ACTN4: variants seen among roughly 807,000 people sequenced by gnomAD.
ACTN4 encodes alpha-actinin-4.
Under a neutral mutation model 114.2 loss-of-function variants are expected in ACTN4, and 18 were observed. The ratio of observed to expected loss-of-function variants is 0.16; its 90% confidence interval spans 0.11 to 0.23. The LOEUF is 0.23. Among genes scored for constraint, ACTN4 ranks in the 10% least tolerant of loss-of-function variants. The pLI, the probability that ACTN4 is intolerant of heterozygous loss-of-function variation, is 1.00. For synonymous variants in ACTN4, 515 were observed against 506.3 expected, an observed-to-expected ratio of 1.02 and a Z score of -0.23; for missense variants, 722 against 1,262.9, an observed-to-expected ratio of 0.57 and a Z score of 6.49.
In ACTN4 at chr19:38,729,275, A is replaced by G. The variant is rs1218205417; in HGVS notation, c.2579A>G (p.Asn860Ser). The G allele has an allele frequency of 6.2e-7, 1 of 1,612,658 alleles. No homozygotes were observed. Among genetic ancestry groups the G allele is most frequent in the South Asian group, 1.1e-5 (1 of 91,074 alleles). ...AGAGTCCCATCCTGCCTGCCCCAGAACTTCATCACAGCTGAGGAGCTGCGG... is the reference window on the plus strand; with the variant it reads ...AGAGTCCCATCCTGCCTGCCCCAGAGCTTCATCACAGCTGAGGAGCTGCGG... The part of the protein sequence containing the change: ...ASFKVLAGDK[N>S]FITAEELRRE... The change falls in exon 21 of 21, where the codon AAC (asparagine) becomes AGC (serine). Residue 860 changes from asparagine (N) to serine (S), a missense_variant and splice_region_variant. By Grantham distance (46) the Asn-to-Ser change is conservative. Around this residue, in one of 3 missense-constraint regions of ACTN4, gnomAD observed 523 missense variants for 875.9 expected, o/e 0.60. Transcript: ENST00000252699.
In ACTN4 at chr19:38,647,690, G is replaced by A; in HGVS notation, c.-56G>A. The stretch of plus-strand genomic sequence containing the variant: ...CGGTAGCGGCGGCGGCTCGGGCAGA[G>A]GGGCGGGAGCTGAGGCGGGAGCGGA... On this transcript the variant is annotated 5_prime_UTR_variant, in exon 1 of 21. Coordinates refer to ENST00000252699, the MANE Select transcript of ACTN4 (RefSeq NM_004924.6). The A allele has an allele frequency of 2.0e-6, 3 of 1,506,880 alleles. No individual in the cohort carries two copies. Among genetic ancestry groups the A allele is most frequent in the Non-Finnish European group, 2.7e-6 (3 of 1,128,610 alleles). 93.3% of individuals were successfully genotyped at this position (1,506,880 alleles called of 1,614,324 possible).
chr19:38,705,233 G>A (rs1018299222), intron 4 of ACTN4, among the ~76,000 whole-genome samples: 1 of 152,186 alleles, frequency 6.6e-6, no homozygotes, highest in Admixed American at 6.5e-5. Context: ...GAGTGCCTTT[G>A]CTCTCACAGC....
In ACTN4 at chr19:38,730,050, T is replaced by G. The variant is rs1316866673; in HGVS notation, c.*618T>G. 1 of 162,916 alleles carries G rather than the reference T, an allele frequency of 6.1e-6. No individual in the cohort carries two copies. The highest frequency in any genetic ancestry group is 1.3e-5 in the Non-Finnish European group (1 of 75,794). 10.1% of individuals were successfully genotyped at this position (162,916 alleles called of 1,614,324 possible). ...CACCCCATCCCACCAGCCCCGGCCT[T>G]GCTTTGTCTGGCCTCACGTGTCTCA... On this transcript the variant is annotated 3_prime_UTR_variant, in exon 21 of 21. Coordinates refer to ENST00000252699, the MANE Select transcript of ACTN4 (RefSeq NM_004924.6).
intron 1 of ACTN4, among the ~76,000 whole-genome samples, chr19:38,669,052 A>G (rs968694290): frequency 2.0e-5 from 3 of 152,058 alleles, no homozygotes; most frequent in Non-Finnish European, 2.9e-5. Flanking sequence ...AGTGGTATGC[A>G]CTTGGCTCAC....
intron 1 of ACTN4, among the ~76,000 whole-genome samples, chr19:38,696,065 C>G (rs1479474385): frequency 2.6e-5 from 4 of 152,160 alleles, no homozygotes; most frequent in African/African-American, 9.7e-5. Flanking sequence ...ACGAGGGTGA[C>G]AGAATTAGTA....
intron 7 of ACTN4, 105 bp downstream of exon 7, chr19:38,709,581 A>T: frequency 1.0e-6 from 1 of 995,508 alleles, no homozygotes; most frequent in South Asian, 1.3e-5. Flanking sequence ...GCTTTGGGTC[A>T]CCTTGGGGAG....
chr19:38,669,330 G>A (rs1246277501), intron 1 of ACTN4, among the ~76,000 whole-genome samples: 5 of 152,164 alleles, frequency 3.3e-5, no homozygotes, highest in Non-Finnish European at 7.3e-5. Context: ...CATGTTGCTG[G>A]AAAGGAATGA....
intron 17 of ACTN4, among the ~76,000 whole-genome samples, chr19:38,726,667 G>A (rs556634807): frequency 6.6e-6 from 1 of 152,340 alleles, no homozygotes; most frequent in South Asian, 2.1e-4. Flanking sequence ...GAGAGCCAGT[G>A]GTGAGACACT....
intron 1 of ACTN4, among the ~76,000 whole-genome samples, chr19:38,696,558 CT>C (rs1166191127): frequency 1.3e-5 from 2 of 152,220 alleles, no homozygotes; most frequent in Non-Finnish European, 2.9e-5. Flanking sequence ...CCCATTCGAA[CT>C]CCAGCTCCTA....
intron 4 of ACTN4, 116 bp downstream of exon 4, chr19:38,705,136 G>A: frequency 9.9e-7 from 1 of 1,014,396 alleles, no homozygotes; most frequent in Admixed American, 1.9e-5. Context: ...GTCACTCACA[G>A]GGCCTGGCCC....
At chr19:38,668,515 G>T (rs188699596) in intron 1 of ACTN4, among the ~76,000 whole-genome samples, 1 of 152,022 alleles carries the variant, frequency 6.6e-6, no homozygotes, top group African/African-American at 2.4e-5. Context: ...GTGATACCCC[G>T]TCTCTACTAA....
chr19:38,690,357 C>T (rs980925644), intron 1 of ACTN4, among the ~76,000 whole-genome samples: 3 of 152,232 alleles, frequency 2.0e-5, no homozygotes, highest in Non-Finnish European at 4.4e-5. Flanking sequence ...TCTGATCCAG[C>T]GAGGCGCCCA....
At chr19:38,678,394 C>T (rs928041731) in intron 1 of ACTN4, among the ~76,000 whole-genome samples, 20 of 152,302 alleles carry the variant, frequency 1.3e-4, no homozygotes, top group Middle Eastern at 3.4e-3. Context: ...GACTGGCTGG[C>T]CACCTTCCTG....
intron 19 of ACTN4, chr19:38,728,396 C>T: frequency 7.3e-7 from 1 of 1,371,692 alleles, no homozygotes; most frequent in Non-Finnish European, 9.7e-7. Context: ...GCAGCTCTGT[C>T]TCCCCAGCCA....
At chr19:38,673,598 CATATATATTCATTTATATTT>C (rs1568690079) in intron 1 of ACTN4, among the ~76,000 whole-genome samples, 1 of 50,038 alleles carries the variant, frequency 2.0e-5, no homozygotes, top group Non-Finnish European at 4.7e-5. Flanking sequence ...TATATATATT[CATATATATTCATTTATATTT>C]ATATATATTC....
chr19:38,659,065 C>CTTTCTTTTT (rs1555822757), intron 1 of ACTN4, among the ~76,000 whole-genome samples: 2,187 of 111,664 alleles, frequency 0.02, 140 homozygotes, highest in South Asian at 0.17. Flanking sequence ...CTTTTCTTTT[C>CTTTCTTTTT]TTTTTTTTTT....
At chr19:38,679,562 G>GGTGCGTGTGTGTGT (rs1555827848) in intron 1 of ACTN4, among the ~76,000 whole-genome samples, 78 of 96,296 alleles carry the variant, frequency 8.1e-4, no homozygotes, top group Non-Finnish European at 1.3e-3. Flanking sequence ...AATAGATTTG[G>GGTGCGTGTGTGTGT]GTGTGCGTGT....
Position 38,647,742 on chromosome 19 carries a change from C to A in ACTN4, c.-4C>A. ...AGGCTGGTGGGCGAGCGAGAGGCGGCGGAATGGTGGACTACCACGCGGCGA... is the reference window on the plus strand; with the variant it reads ...AGGCTGGTGGGCGAGCGAGAGGCGGAGGAATGGTGGACTACCACGCGGCGA... On this transcript the variant is annotated 5_prime_UTR_variant, in exon 1 of 21. Transcript: ENST00000252699. 6.5e-7 allele frequency: 1 copy of A among 1,541,520 alleles called. No homozygotes were observed.
intron 1 of ACTN4, among the ~76,000 whole-genome samples, chr19:38,699,820 G>A (rs1968209741): frequency 6.6e-6 from 1 of 152,076 alleles, no homozygotes; most frequent in Admixed American, 6.6e-5. Context: ...AGGAGACAGA[G>A]GGACGGGGGC....
Sources: gnomAD v4.1 joint callset for allele counts (sites outside exome capture counted in the v4.1 genomes callset) on GRCh38, gnomAD v4.1.1 for gene constraint, gnomAD v4.1.1 regional missense constraint, MANE v1.5 for transcripts, NCBI Gene and HGNC (gene_info 2026-07-23, HGNC 2026-07-21) for gene names.